The following DLGAP1 variants were observed in gnomAD, a reference collection of about 807,000 sequenced individuals.
DLGAP1 encodes the protein DLG associated protein 1, also known as disks large-associated protein 1.
Under a neutral mutation model 90.8 loss-of-function variants are expected in DLGAP1, and 11 were observed. The observed-to-expected ratio is 0.12, with a 90% CI of 0.08 to 0.20. The LOEUF is 0.20. Ranked by LOEUF, DLGAP1 falls within the 10% of genes least tolerant of loss-of-function variation. The probability of loss-of-function intolerance (pLI) is 1.00; values close to 1 mark genes in which losing one functional copy is unlikely to be tolerated. For missense variants in DLGAP1, 1,050 were observed against 1,333.8 expected, an observed-to-expected ratio of 0.79 and a Z score of 3.31; for synonymous variants, 558 against 540.7, an observed-to-expected ratio of 1.03 and a Z score of -0.44.
chr18:4,320,744 A>G (rs2080664433), intron 1 of DLGAP1, among the ~76,000 whole-genome samples: 1 of 151,172 alleles, frequency 6.6e-6, no homozygotes, highest in Non-Finnish European at 1.5e-5. Flanking sequence ...ACACACACAC[A>G]CACACACACA....
chr18:3,791,990 C>T (rs1051197889), intron 5 of DLGAP1, among the ~76,000 whole-genome samples: 1 of 152,204 alleles, frequency 6.6e-6, no homozygotes, highest in Non-Finnish European at 1.5e-5. Context: ...TCCCTGTCTG[C>T]TCCCACGTCC....
At chr18:3,585,361 T>C (rs2055817983) in intron 7 of DLGAP1, among the ~76,000 whole-genome samples, 1 of 152,200 alleles carries the variant, frequency 6.6e-6, no homozygotes, top group Admixed American at 6.5e-5. Flanking sequence ...GGAGTAACGC[T>C]CATCTCAGTG....
chr18:3,829,531 G>C (rs1345144331), intron 4 of DLGAP1, among the ~76,000 whole-genome samples: 11 of 152,014 alleles, frequency 7.2e-5, no homozygotes, highest in Admixed American at 3.9e-4. Flanking sequence ...GGATCAGTCA[G>C]GGTTCTCAGA....
intron 5 of DLGAP1, among the ~76,000 whole-genome samples, chr18:3,768,026 T>C (rs1273930675): frequency 6.6e-6 from 1 of 152,112 alleles, no homozygotes; most frequent in Non-Finnish European, 1.5e-5. Context: ...GTCATCTGTT[T>C]GCAGATGACA....
At position 3,879,695 on chromosome 18, in the gene DLGAP1, C is replaced by T. The variant is rs2148825388; in HGVS notation, c.374G>A (p.Arg125His). The change falls in exon 4 of 13, where the codon CGC (arginine) becomes CAC (histidine). Residue 125 changes from arginine (R) to histidine (H), a missense_variant. Physicochemically the swap from Arg to His is conservative, Grantham distance 29. Coordinates refer to ENST00000315677, the MANE Select transcript of DLGAP1 (RefSeq NM_004746.4). This position sits in a 1 kb window ranked among gnomAD's most constrained non-coding sequence, Gnocchi z 6.6. ...RDGYHTLQYK[R>H]TAVEHRSDSP... ...GTCGCTGCGGTGCTCCACGGCCGTG[C>T]GCTTGTACTGCAGGGTGTGATAGCC... 4.4e-6 allele frequency: 7 copies of T among 1,607,948 alleles called. No homozygotes were observed. The highest frequency in any genetic ancestry group is 5.1e-6 in the Non-Finnish European group (6 of 1,179,796).
At chr18:4,352,061 C>T (rs1037709910) in intron 1 of DLGAP1, among the ~76,000 whole-genome samples, 1 of 152,128 alleles carries the variant, frequency 6.6e-6, no homozygotes, top group Non-Finnish European at 1.5e-5. Flanking sequence ...TAGAAAAGCT[C>T]GCATAAACTT....
At chr18:3,696,068 A>G (rs1423523439) in intron 7 of DLGAP1, among the ~76,000 whole-genome samples, 2 of 152,174 alleles carry the variant, frequency 1.3e-5, no homozygotes, top group African/African-American at 4.8e-5. Context: ...CTTTGCTGAA[A>G]TTGCTTATCA....
chr18:3,675,378 G>A (rs2060262169), intron 7 of DLGAP1, among the ~76,000 whole-genome samples: 1 of 152,126 alleles, frequency 6.6e-6, no homozygotes, highest in African/African-American at 2.4e-5. Context: ...CCCAGCCAGG[G>A]TTAGCTGTTC....
At chr18:4,357,658 A>G (rs960512574) in intron 1 of DLGAP1, among the ~76,000 whole-genome samples, 8 of 152,228 alleles carry the variant, frequency 5.3e-5, no homozygotes, top group Non-Finnish European at 1.0e-4. Context: ...AATTCTGAAA[A>G]ACCAGAGTAG....
chr18:3,983,276 T>C (rs2149034647), intron 3 of DLGAP1: 1 of 152,348 alleles, frequency 6.6e-6, no homozygotes, highest in Non-Finnish European at 1.5e-5. Context: ...TGCCATTACT[T>C]AATTATGCCA....
At chr18:3,692,638 G>A (rs527965545) in intron 7 of DLGAP1, among the ~76,000 whole-genome samples, 1 of 151,908 alleles carries the variant, frequency 6.6e-6, no homozygotes, top group African/African-American at 2.4e-5. Flanking sequence ...GTTGAGATCT[G>A]CATATGGCAG....
intron 3 of DLGAP1, among the ~76,000 whole-genome samples, chr18:3,945,729 A>G (rs2072863746): frequency 6.6e-6 from 1 of 152,182 alleles, no homozygotes; most frequent in Non-Finnish European, 1.5e-5. Context: ...ACATGTATAC[A>G]TATGTAACTA....
At chr18:4,266,928 A>G (rs2079143797) in intron 1 of DLGAP1, among the ~76,000 whole-genome samples, 1 of 152,220 alleles carries the variant, frequency 6.6e-6, no homozygotes, top group Non-Finnish European at 1.5e-5. Context: ...TAAATTTGGC[A>G]TTTTGATCAA....
chr18:3,528,620 T>C (rs535876807), intron 10 of DLGAP1, among the ~76,000 whole-genome samples: 2 of 152,308 alleles, frequency 1.3e-5, no homozygotes, highest in South Asian at 4.1e-4. Flanking sequence ...ACAGCACCTG[T>C]CAAAGTCTCT....
intron 5 of DLGAP1, among the ~76,000 whole-genome samples, chr18:3,760,271 C>A (rs373990480): frequency 2.6e-5 from 4 of 152,006 alleles, no homozygotes; most frequent in African/African-American, 9.7e-5. Flanking sequence ...CAGGGAACTG[C>A]GGAAGGAAGA....
At chr18:4,024,741 A>G (rs920876569) in intron 2 of DLGAP1, among the ~76,000 whole-genome samples, 1 of 152,138 alleles carries the variant, frequency 6.6e-6, no homozygotes, top group Non-Finnish European at 1.5e-5. Flanking sequence ...TTGCCTTTAC[A>G]TAGTATAGCT....
intron 7 of DLGAP1, among the ~76,000 whole-genome samples, chr18:3,676,752 A>G (rs975359363): frequency 8.6e-5 from 13 of 151,966 alleles, no homozygotes; most frequent in African/African-American, 3.1e-4. Context: ...ACATTAACCA[A>G]TTAATTAGAA....
At chr18:3,600,749 T>TATATAGATATATAGATATATAG (rs1568277663) in intron 7 of DLGAP1, among the ~76,000 whole-genome samples, 3 of 12,930 alleles carry the variant, frequency 2.3e-4, no homozygotes, top group East Asian at 1.0e-3. Flanking sequence ...GATATATAGA[T>TATATAGATATATAGATATATAG]ATATATAGAT....
At chr18:4,260,344 C>A in intron 1 of DLGAP1, among the ~76,000 whole-genome samples, 1 of 152,182 alleles carries the variant, frequency 6.6e-6, no homozygotes, top group Admixed American at 6.5e-5. Flanking sequence ...ATACAGTTAC[C>A]TTACCATGCT....
Sources: gnomAD v4.1 joint callset for allele counts (sites outside exome capture counted in the v4.1 genomes callset) on GRCh38, gnomAD v4.1.1 for gene constraint, Gnocchi (gnomAD v3.1) non-coding constraint, MANE v1.5 for transcripts, NCBI Gene and HGNC (gene_info 2026-07-23, HGNC 2026-07-21) for gene names.